Variants in LARP1B observed in about 807,000 individuals in gnomAD.
LARP1B encodes la-related protein 1B.
A neutral mutation model predicts 114.2 loss-of-function variants in LARP1B; 76 were observed. The observed-to-expected ratio is 0.67, with a 90% confidence interval of 0.55 to 0.81. The LOEUF (loss-of-function observed/expected upper bound fraction) is 0.81. LARP1B is among the 30% of genes least tolerant of loss of function. LARP1B has a pLI of 0.00. For missense variants in LARP1B, 1,014 were observed against 1,075.8 expected (o/e 0.94, Z 0.80); for synonymous variants, 345 against 348.0 (o/e 0.99, Z 0.10).
chr4:128,153,782 C>G (rs1734074179), intron 11 of LARP1B, among the ~76,000 whole-genome samples: 2 of 152,118 alleles, frequency 1.3e-5, no homozygotes, highest in African/African-American at 4.8e-5. Context: ...TTACCGGTAG[C>G]CTACTAAATT....
intron 11 of LARP1B, among the ~76,000 whole-genome samples, chr4:128,152,111 T>A (rs753757698): frequency 3.8e-4 from 58 of 152,182 alleles, no homozygotes; most frequent in Non-Finnish European, 7.2e-4. Flanking sequence ...GGAGTGATAT[T>A]TTAAAACTGT....
In LARP1B at chr4:128,163,915, G is replaced by C. The variant is rs1739585448; in HGVS notation, c.1648+1598G>C. 2.0e-5 allele frequency among the ~76,000 whole-genome samples: 3 copies of C among 152,192 alleles called. No homozygotes were observed. In the South Asian group the frequency reaches 6.2e-4, roughly 32 times the overall value. The stretch of plus-strand genomic sequence containing the variant: ...CCACAGAAGGTTGAGCCCCCACCAA[G>C]GTTGAGCTTTGTCAGTACCGGATCT... On this transcript the variant is annotated intron_variant, in intron 12 of 19. Coordinates refer to ENST00000326639, the MANE Select transcript of LARP1B (RefSeq NM_018078.4).
chr4:128,144,336 G>T (rs1259521596), intron 11 of LARP1B, among the ~76,000 whole-genome samples: 2 of 152,034 alleles, frequency 1.3e-5, no homozygotes, highest in African/African-American at 2.4e-5. Flanking sequence ...CCAATTTGAG[G>T]TTAACTGAAA....
At chr4:128,090,919 T>C in intron 5 of LARP1B, 82 bp from the exon 6 acceptor site, 1 of 1,030,024 alleles carries the variant, frequency 9.7e-7, no homozygotes, top group Non-Finnish European at 1.4e-6. Context: ...TGGAAGAAGG[T>C]GGCTATTATG....
chr4:128,209,898 A>G lies in LARP1B; in HGVS notation c.2590A>G (p.Thr864Ala), dbSNP rs1758667919. Reference protein sequence around the residue: ...DEFGRKRHSSTSGEESNRHRL... With the variant: ...DEFGRKRHSSASGEESNRHRL... ...ATTTGGAAGAAAAAGACATTCCTCT[A>G]CTTCTGGTGAGGAGAGTAATCGTCA... Residue 864 changes from threonine (T) to alanine (A), a missense_variant, in exon 20 of 20, where the codon ACT becomes GCT. Coordinates refer to ENST00000326639, the MANE Select transcript of LARP1B (RefSeq NM_018078.4). 4 of 1,613,894 alleles carry G rather than the reference A, an allele frequency of 2.5e-6. No individual in the cohort carries two copies. The highest frequency in any genetic ancestry group is 2.5e-6 in the Non-Finnish European group (3 of 1,179,818).
chr4:128,066,076 A>G lies in LARP1B; in HGVS notation c.-78+4675A>G, dbSNP rs533082855. Among the ~76,000 whole-genome samples the G allele has an allele frequency of 1.1e-4, 16 of 150,830 alleles. No individual in the cohort carries two copies. In the East Asian group the frequency reaches 1.6e-3, roughly 15 times the overall value. On this transcript the variant is annotated intron_variant, in intron 1 of 19. Transcript: ENST00000326639. ...GGTCTTGAGCTCTTGGGGTCAAGCT[A>G]TCCTGCCTCAGCCCCCACAAAGTGC...
chr4:128,158,941 A>G (rs2150401866), intron 11 of LARP1B, among the ~76,000 whole-genome samples: 1 of 152,122 alleles, frequency 6.6e-6, no homozygotes, highest in East Asian at 1.9e-4. Context: ...AGGCTGAGGC[A>G]GGAGGATTGC....
chr4:128,071,015 CTTTT>C (rs1174703815), intron 1 of LARP1B, among the ~76,000 whole-genome samples: 1 of 151,772 alleles, frequency 6.6e-6, no homozygotes, highest in Non-Finnish European at 1.5e-5. Flanking sequence ...TTATGAGTCA[CTTTT>C]TATTTATTTA....
intron 14 of LARP1B, 71 bp from the exon 15 acceptor site, chr4:128,179,335 G>A: frequency 1.1e-6 from 1 of 895,440 alleles, no homozygotes; most frequent in Non-Finnish European, 1.7e-6. Context: ...TTTATAGTCA[G>A]AGGGTTTTAA....
At chr4:128,113,245 G>A (rs758633184) in intron 9 of LARP1B, among the ~76,000 whole-genome samples, 30 of 152,012 alleles carry the variant, frequency 2.0e-4, no homozygotes, top group Non-Finnish European at 3.7e-4. Context: ...TGCATCTTCA[G>A]ATCTAAACAT....
intron 7 of LARP1B, among the ~76,000 whole-genome samples, chr4:128,096,518 T>G (rs745603048): frequency 2.6e-5 from 4 of 152,216 alleles, no homozygotes; most frequent in Non-Finnish European, 2.9e-5. Flanking sequence ...TCTAATCATC[T>G]TCTATATTTT....
chr4:128,085,951 C>T lies in LARP1B; in HGVS notation c.358+3646C>T, dbSNP rs1374541941. Reference sequence around the variant, plus strand: ...TTTTTCTTTTTGCTATGTGTTAAGTCCCATGTCTAGTGGAATTCCTGTATT... The same window carrying T: ...TTTTTCTTTTTGCTATGTGTTAAGTTCCATGTCTAGTGGAATTCCTGTATT... On this transcript the variant is annotated intron_variant, in intron 5 of 19. Coordinates refer to ENST00000326639, the MANE Select transcript of LARP1B (RefSeq NM_018078.4). Among the ~76,000 whole-genome samples, 33 of 151,458 alleles carry T rather than the reference C, an allele frequency of 2.2e-4. No individual in the cohort carries two copies. In the East Asian group the frequency reaches 6.4e-3, roughly 29 times the overall value.
chr4:128,119,003 C>G lies in LARP1B; in HGVS notation c.1162-2823C>G, dbSNP rs28549851. Among the ~76,000 whole-genome samples the G allele has an allele frequency of 3.7e-3, 567 of 151,910 alleles. 2 individuals are homozygous for G. Among genetic ancestry groups the G allele is most frequent in the African/African-American group, 9.6e-3 (398 of 41,416 alleles). On this transcript the variant is annotated intron_variant, in intron 10 of 19. Coordinates refer to ENST00000326639, the MANE Select transcript of LARP1B (RefSeq NM_018078.4). Reference sequence around the variant, plus strand: ...TCAAGCAATTCTTCTGCCTCAGCCTCCCGAGTAGCTGGGATTACAGGCACC... The same window carrying G: ...TCAAGCAATTCTTCTGCCTCAGCCTGCCGAGTAGCTGGGATTACAGGCACC...
rs139368918 is a variant in LARP1B at position 128,089,512 on chromosome 4, T to C, written c.359-1489T>C. Among the ~76,000 whole-genome samples the C allele has an allele frequency of 1.8e-4, 27 of 151,974 alleles. No individual in the cohort carries two copies. In the East Asian group the frequency reaches 4.3e-3, roughly 24 times the overall value. On this transcript the variant is annotated intron_variant, in intron 5 of 19. Transcript: ENST00000326639. ...CACTATGTCTGGCTAATTTTTGTATTTTTAGTAGAGATGGGGTTTTGCCAT... is the reference window on the plus strand; with the variant it reads ...CACTATGTCTGGCTAATTTTTGTATCTTTAGTAGAGATGGGGTTTTGCCAT...
chr4:128,206,390 T>C (rs750114121), intron 17 of LARP1B, 38 bp from the exon 18 acceptor site: 11 of 1,215,146 alleles, frequency 9.1e-6, no homozygotes, highest in African/African-American at 3.1e-5. Flanking sequence ...TATAGAGATA[T>C]TGTATTTTAT....
At chr4:128,119,949 A>G (rs1787334530) in intron 10 of LARP1B, among the ~76,000 whole-genome samples, 2 of 152,230 alleles carry the variant, frequency 1.3e-5, no homozygotes, top group Admixed American at 1.3e-4. Flanking sequence ...AAACAAATTT[A>G]ACAGTTTGTT....
intron 15 of LARP1B, among the ~76,000 whole-genome samples, chr4:128,192,354 T>G (rs980085568): frequency 6.6e-6 from 1 of 152,174 alleles, no homozygotes; most frequent in African/African-American, 2.4e-5. Context: ...AATTCAGCTG[T>G]TCCTTGAATT....
intron 11 of LARP1B, among the ~76,000 whole-genome samples, chr4:128,160,264 G>A (rs985208813): frequency 1.3e-5 from 2 of 152,150 alleles, no homozygotes; most frequent in East Asian, 1.9e-4. Flanking sequence ...GCACGTACAT[G>A]GATCAGTCTC....
chr4:128,065,331 C>CTTTTCT (rs1553982928), intron 1 of LARP1B, among the ~76,000 whole-genome samples: 13 of 73,274 alleles, frequency 1.8e-4, no homozygotes, highest in South Asian at 5.5e-4. Flanking sequence ...CTCTCTCTCT[C>CTTTTCT]TTTCCTTTCT....
Sources: gnomAD v4.1 joint callset for allele counts (sites outside exome capture counted in the v4.1 genomes callset) on GRCh38, gnomAD v4.1.1 for gene constraint, MANE v1.5 for transcripts, NCBI Gene and HGNC (gene_info 2026-07-23, HGNC 2026-07-21) for gene names.